Variants in LMX1B observed in about 807,000 individuals in gnomAD.
The protein encoded by LMX1B is LIM homeobox transcription factor 1-beta.
A neutral mutation model predicts 51.4 loss-of-function variants in LMX1B; 12 were observed. The ratio of observed to expected loss-of-function variants is 0.23; its 90% CI spans 0.15 to 0.38. The LOEUF (loss-of-function observed/expected upper bound fraction) is 0.38, where lower values mean the gene tolerates loss of function less well. Ranked by LOEUF, LMX1B falls within the 10% of genes least tolerant of loss-of-function variation. The probability of loss-of-function intolerance (pLI) is 1.00; values close to 1 mark genes in which losing one functional copy is unlikely to be tolerated. For synonymous variants in LMX1B, 237 were observed against 235.4 expected (o/e 1.01, Z -0.06); for missense variants, 445 against 571.1 (o/e 0.78, Z 2.25).
intron 2 of LMX1B, among the ~76,000 whole-genome samples, chr9:126,650,635 C>T (rs1189896796): frequency 6.6e-6 from 1 of 152,202 alleles, no homozygotes; most frequent in Non-Finnish European, 1.5e-5. Flanking sequence ...CCCCCTCGCT[C>T]CTGGCCTCTC....
At chr9:126,661,688 G>A (rs1198532715) in intron 2 of LMX1B, among the ~76,000 whole-genome samples, 1 of 152,098 alleles carries the variant, frequency 6.6e-6, no homozygotes, top group African/African-American at 2.4e-5. Flanking sequence ...CTGCCAGCCT[G>A]CAGTGTGGCT....
intron 2 of LMX1B, among the ~76,000 whole-genome samples, chr9:126,664,065 G>A (rs1411438560): frequency 6.6e-6 from 1 of 152,180 alleles, no homozygotes; most frequent in African/African-American, 2.4e-5. Context: ...CCTGTGCCAG[G>A]CTCTTGTCTC....
intron 7 of LMX1B, 80 bp downstream of exon 7, chr9:126,696,083 A>G (rs1019938692): frequency 1.5e-5 from 19 of 1,282,730 alleles, no homozygotes; most frequent in Admixed American, 2.5e-5. Context: ...GGGCCAGGAC[A>G]GCCACCTGCT....
chr9:126,691,365 C>T (rs1474183460), intron 3 of LMX1B, among the ~76,000 whole-genome samples: 1 of 152,108 alleles, frequency 6.6e-6, no homozygotes, highest in East Asian at 1.9e-4. Context: ...ATACCCCTAC[C>T]CTGAGTATGG....
At chr9:126,667,261 C>T (rs1836358555) in intron 2 of LMX1B, among the ~76,000 whole-genome samples, 1 of 152,224 alleles carries the variant, frequency 6.6e-6, no homozygotes, top group African/African-American at 2.4e-5. Flanking sequence ...TCCCACTTAG[C>T]AACACGCTGA....
chr9:126,634,536 G>T (rs993151729), intron 2 of LMX1B, among the ~76,000 whole-genome samples: 1 of 152,054 alleles, frequency 6.6e-6, no homozygotes, highest in African/African-American at 2.4e-5. Context: ...GGTGTTCAGG[G>T]ACTGTCCCCA....
chr9:126,694,790 G>C (rs2030267301), intron 6 of LMX1B, among the ~76,000 whole-genome samples: 1 of 152,166 alleles, frequency 6.6e-6, no homozygotes, highest in African/African-American at 2.4e-5. Context: ...TGCAGTCACT[G>C]CCTCTGGTCT....
At chr9:126,619,586 C>T (rs925804470) in intron 2 of LMX1B, among the ~76,000 whole-genome samples, 2 of 152,188 alleles carry the variant, frequency 1.3e-5, no homozygotes, top group Non-Finnish European at 2.9e-5. Flanking sequence ...GGGCTGAGGC[C>T]CAAAGGGCTC....
intron 2 of LMX1B, among the ~76,000 whole-genome samples, chr9:126,661,156 G>A (rs752962484): frequency 2.6e-5 from 4 of 152,208 alleles, no homozygotes; most frequent in Non-Finnish European, 4.4e-5. Flanking sequence ...TGAGGCCAGT[G>A]TGGATGCCCT....
intron 2 of LMX1B, among the ~76,000 whole-genome samples, chr9:126,634,601 C>CA (rs929782085): frequency 2.9e-5 from 4 of 135,628 alleles, no homozygotes; most frequent in African/African-American, 1.0e-4. Context: ...AGGTTCTGCA[C>CA]ACCCCCCCCA....
Position 126,615,281 on chromosome 9 carries a change from GCCCGAGCC to G in LMX1B, c.140-100_140-93del. The G allele has an allele frequency of 1.2e-6, 1 of 846,102 alleles. No individual in the cohort carries two copies. Among genetic ancestry groups the G allele is most frequent in the Non-Finnish European group, 1.5e-6 (1 of 646,966 alleles). The allele number at this position is 846,102 out of a possible 1,614,324, so 52.4% of individuals were successfully genotyped here. A position where few individuals can be genotyped will look rare whatever the true frequency, so the allele number is the denominator to read the frequency against. ...AGGCGGCAGGCGGTGATCCCGGGCG[GCCCGAGCC>G]CTCGGGGCCGAGGGCTGTGGGCCCG... On this transcript the variant is annotated intron_variant, in intron 1 of 7. Coordinates refer to ENST00000373474, the MANE Select transcript of LMX1B (RefSeq NM_001174147.2). The surrounding 1 kb of genome is among the most constrained non-coding windows in gnomAD (Gnocchi z 6.0).
chr9:126,616,020 G>A lies in LMX1B; in HGVS notation c.326+451G>A, dbSNP rs112213630. ...CAGGAGCCAGGAGGTGGAGTGCTGG[G>A]ACACTGAACGGCCTGAGCGGCAAGG... On this transcript the variant is annotated intron_variant, in intron 2 of 7. Transcript: ENST00000373474. 2.9e-4 allele frequency among the ~76,000 whole-genome samples: 44 copies of A among 152,324 alleles called. 1 individual carries two copies. Among genetic ancestry groups the A allele is most frequent in the African/African-American group, 7.7e-4 (32 of 41,570 alleles).
At chr9:126,635,415 G>C (rs1017253551) in intron 2 of LMX1B, among the ~76,000 whole-genome samples, 4 of 152,226 alleles carry the variant, frequency 2.6e-5, no homozygotes, top group Non-Finnish European at 5.9e-5. Flanking sequence ...GCTATGGCGA[G>C]GGCACTCCAG....
chr9:126,683,558 C>T (rs1030178815), intron 2 of LMX1B, among the ~76,000 whole-genome samples: 4 of 152,156 alleles, frequency 2.6e-5, no homozygotes, highest in African/African-American at 9.7e-5. Flanking sequence ...TCGCCTAGCT[C>T]CTGTGAACTG....
intron 2 of LMX1B, among the ~76,000 whole-genome samples, chr9:126,619,607 C>T (rs1263102047): frequency 1.3e-5 from 2 of 152,324 alleles, no homozygotes; most frequent in East Asian, 3.9e-4. Context: ...ACCCTGGCAG[C>T]CCAAGTCTGG....
At chr9:126,631,449 G>C (rs952632707) in intron 2 of LMX1B, among the ~76,000 whole-genome samples, 2 of 152,124 alleles carry the variant, frequency 1.3e-5, no homozygotes, top group Non-Finnish European at 2.9e-5. Flanking sequence ...GGTCTGGGCT[G>C]CTGATTCCCA....
At chr9:126,640,489 G>A (rs1423238430) in intron 2 of LMX1B, among the ~76,000 whole-genome samples, 2 of 152,186 alleles carry the variant, frequency 1.3e-5, no homozygotes, top group African/African-American at 2.4e-5. Flanking sequence ...TGAGGGTGGG[G>A]GTGATTCTGT....
chr9:126,663,513 C>T (rs139877815), intron 2 of LMX1B, among the ~76,000 whole-genome samples: 1 of 152,104 alleles, frequency 6.6e-6, no homozygotes, highest in East Asian at 1.9e-4. Context: ...AGTTGTGTGA[C>T]CTTGGCAAGG....
Position 126,671,778 on chromosome 9 carries a change from G to A in LMX1B, c.327-19058G>A, listed in dbSNP as rs530528838. Among the ~76,000 whole-genome samples the A allele has an allele frequency of 1.1e-4, 17 of 152,156 alleles. No homozygotes were observed. The highest frequency in any genetic ancestry group is 1.5e-4 in the Non-Finnish European group (10 of 67,986). On this transcript the variant is annotated intron_variant, in intron 2 of 7. Coordinates refer to ENST00000373474, the MANE Select transcript of LMX1B (RefSeq NM_001174147.2). The surrounding 1 kb of genome is among the most constrained non-coding windows in gnomAD (Gnocchi z 4.4). ...GTGGGCTTACTCGGGGAGAGTGAGCGAGCCAGCTCCCTCCAGGCCAGGGCA... is the reference window on the plus strand; with the variant it reads ...GTGGGCTTACTCGGGGAGAGTGAGCAAGCCAGCTCCCTCCAGGCCAGGGCA...
Sources: gnomAD v4.1 joint callset for allele counts (sites outside exome capture counted in the v4.1 genomes callset) on GRCh38, gnomAD v4.1.1 for gene constraint, Gnocchi (gnomAD v3.1) non-coding constraint, MANE v1.5 for transcripts, NCBI Gene and HGNC (gene_info 2026-07-23, HGNC 2026-07-21) for gene names.